Variants in ARHGEF28 observed in about 807,000 individuals in gnomAD.
ARHGEF28 encodes the protein 190 kDa guanine nucleotide exchange factor.
ARHGEF28 carries 152 observed loss-of-function variants against 206.6 expected under a neutral mutation model. The observed-to-expected ratio is 0.74, with a 90% CI of 0.64 to 0.84. The LOEUF (loss-of-function observed/expected upper bound fraction) is 0.84. ARHGEF28 is among the 40% of genes least tolerant of loss of function. The probability of loss-of-function intolerance (pLI) is 0.00; values close to 1 mark genes in which losing one functional copy is unlikely to be tolerated. For missense variants in ARHGEF28, 2,028 were observed against 2,073.2 expected (o/e 0.98, Z 0.42); for synonymous variants, 763 against 776.4 (o/e 0.98, Z 0.29).
At chr5:73,847,983 T>G (rs1254526742) in intron 12 of ARHGEF28, among the ~76,000 whole-genome samples, 2 of 152,164 alleles carry the variant, frequency 1.3e-5, no homozygotes, top group African/African-American at 2.4e-5. Flanking sequence ...ACTAATGAAG[T>G]TAGGGTAACC....
At chr5:73,770,667 G>A (rs1287492621) in intron 4 of ARHGEF28, among the ~76,000 whole-genome samples, 1 of 152,160 alleles carries the variant, frequency 6.6e-6, no homozygotes, top group African/African-American at 2.4e-5. Flanking sequence ...ATGTCATGAT[G>A]CTTCCTATTT....
intron 35 of ARHGEF28, among the ~76,000 whole-genome samples, chr5:73,922,260 C>T (rs1377228686): frequency 1.3e-5 from 2 of 152,206 alleles, no homozygotes; most frequent in Non-Finnish European, 2.9e-5. Context: ...CAAGAGAAGC[C>T]CATGGCTTTG....
At chr5:73,793,590 C>T (rs542128869) in intron 7 of ARHGEF28, among the ~76,000 whole-genome samples, 8 of 152,146 alleles carry the variant, frequency 5.3e-5, no homozygotes, top group Non-Finnish European at 7.4e-5. Context: ...AGTGAGACCC[C>T]ACAATGTTGT....
chr5:73,749,800 G>A, intron 2 of ARHGEF28, 37 bp from the exon 3 acceptor site: 1 of 1,610,538 alleles, frequency 6.2e-7, no homozygotes, highest in Non-Finnish European at 8.5e-7. Flanking sequence ...GCCAGGACAA[G>A]GAAGTCTGAC....
intron 2 of ARHGEF28, among the ~76,000 whole-genome samples, chr5:73,719,453 A>G (rs1749791858): frequency 6.6e-6 from 1 of 151,796 alleles, no homozygotes; most frequent in South Asian, 2.1e-4. Context: ...GAATTTTTCA[A>G]ACTCTGTTCT....
chr5:73,716,574 C>A (rs1749599637), intron 2 of ARHGEF28, among the ~76,000 whole-genome samples: 1 of 152,162 alleles, frequency 6.6e-6, no homozygotes, highest in African/African-American at 2.4e-5. Flanking sequence ...AGTCTGAGCA[C>A]CTGAGCTCAG....
chr5:73,924,571 C>T (rs938303009), intron 35 of ARHGEF28, among the ~76,000 whole-genome samples: 9 of 152,124 alleles, frequency 5.9e-5, no homozygotes, highest in South Asian at 2.1e-4. Flanking sequence ...TTGGTGCATT[C>T]GAGCCACTGG....
chr5:73,746,630 T>C (rs1280719135), intron 2 of ARHGEF28, among the ~76,000 whole-genome samples: 1 of 152,156 alleles, frequency 6.6e-6, no homozygotes, highest in South Asian at 2.1e-4. Flanking sequence ...ATGTTAGATA[T>C]TGAATTAATT....
chr5:73,631,195 A>C (rs1439957749), intron 1 of ARHGEF28, among the ~76,000 whole-genome samples: 2 of 152,208 alleles, frequency 1.3e-5, no homozygotes, highest in Admixed American at 6.5e-5. Context: ...AAGAAGTCTC[A>C]TGAAGGACTT....
intron 4 of ARHGEF28, among the ~76,000 whole-genome samples, chr5:73,769,887 C>G (rs1485861871): frequency 6.6e-6 from 1 of 152,136 alleles, no homozygotes; most frequent in Non-Finnish European, 1.5e-5. Context: ...ACAGATATTT[C>G]CCATATATTC....
intron 2 of ARHGEF28, among the ~76,000 whole-genome samples, chr5:73,737,963 G>A (rs1751112096): frequency 6.6e-6 from 1 of 152,118 alleles, no homozygotes; most frequent in South Asian, 2.1e-4. Flanking sequence ...CCTTTTTCCT[G>A]CTTTTGCTTC....
chr5:73,887,756 A>G, intron 26 of ARHGEF28, 77 bp downstream of exon 26: 2 of 1,223,556 alleles, frequency 1.6e-6, no homozygotes, highest in South Asian at 3.0e-5. Context: ...TAAAATTCCT[A>G]GTGAAATATA....
chr5:73,938,931 CTTT>C (rs200516722), intron 35 of ARHGEF28, among the ~76,000 whole-genome samples: 23 of 120,538 alleles, frequency 1.9e-4, no homozygotes, highest in East Asian at 4.8e-4. Context: ...ATTAATATGT[CTTT>C]TTTTTTTTTT....
chr5:73,915,447 T>TA (rs1399788448), intron 35 of ARHGEF28, among the ~76,000 whole-genome samples: 3 of 152,250 alleles, frequency 2.0e-5, no homozygotes, highest in Non-Finnish European at 4.4e-5. Context: ...GTTCAAACAT[T>TA]AAATCCAAAT....
intron 1 of ARHGEF28, among the ~76,000 whole-genome samples, chr5:73,666,584 C>A (rs1177322334): frequency 6.6e-6 from 1 of 152,164 alleles, no homozygotes; most frequent in African/African-American, 2.4e-5. Context: ...AGAATTAACA[C>A]CATGTGGATG....
chr5:73,776,782 T>G (rs1293143400), intron 6 of ARHGEF28, 86 bp downstream of exon 6: 4 of 1,322,570 alleles, frequency 3.0e-6, no homozygotes, highest in Non-Finnish European at 4.1e-6. Flanking sequence ...CAGTGTTTTT[T>G]GGGGGTAGGA....
chr5:73,817,866 C>T (rs1223144120), intron 9 of ARHGEF28, among the ~76,000 whole-genome samples: 2 of 152,026 alleles, frequency 1.3e-5, no homozygotes, highest in Admixed American at 1.3e-4. Context: ...TGCCATTGTG[C>T]CTCCCCATCT....
At chr5:73,933,358 C>A (rs1271852660) in intron 35 of ARHGEF28, among the ~76,000 whole-genome samples, 1 of 152,138 alleles carries the variant, frequency 6.6e-6, no homozygotes, top group Non-Finnish European at 1.5e-5. Context: ...CTCAAATGAA[C>A]CTTATCCATT....
At chr5:73,666,327 G>A (rs1745953568) in intron 1 of ARHGEF28, among the ~76,000 whole-genome samples, 1 of 152,222 alleles carries the variant, frequency 6.6e-6, no homozygotes, top group Non-Finnish European at 1.5e-5. Context: ...ACTCAACCCA[G>A]TAGCTCTGAC....
Sources: gnomAD v4.1 joint callset for allele counts (sites outside exome capture counted in the v4.1 genomes callset) on GRCh38, gnomAD v4.1.1 for gene constraint, MANE v1.5 for transcripts, NCBI Gene and HGNC (gene_info 2026-07-23, HGNC 2026-07-21) for gene names.